DNAH12: variants seen among roughly 807,000 people sequenced by gnomAD.
DNAH12 encodes axonemal beta dynein heavy chain 12.
DNAH12 carries 285 observed loss-of-function variants against 371.5 expected under a neutral mutation model. That is an observed-to-expected ratio of 0.77 (90% CI 0.70 to 0.85). DNAH12 has a LOEUF of 0.85. Among genes scored for constraint, DNAH12 ranks in the 40% least tolerant of loss-of-function variants. DNAH12 has a pLI of 0.00. For synonymous variants in DNAH12, 1,200 were observed against 1,213.0 expected (o/e 0.99, Z 0.22); for missense variants, 3,611 against 3,689.4 (o/e 0.98, Z 0.55).
intron 29 of DNAH12, among the ~76,000 whole-genome samples, chr3:57,438,897 A>G (rs2065215418): frequency 8.4e-6 from 1 of 118,904 alleles, no homozygotes; most frequent in Admixed American, 1.0e-4. Flanking sequence ...TCTGGGCAAC[A>G]GAGTGAAACT....
At position 57,331,729 on chromosome 3, in the gene DNAH12, G is replaced by T. The variant is rs151084039; in HGVS notation, c.9978+2736C>A. ...GTAGGTGAAGTGACTTACTGGTAAA[G>T]ATTCTTTCCTCAAACAAACCTTAGT... On this transcript the variant is annotated intron_variant, in intron 62 of 73. Transcript: ENST00000495027. Among the ~76,000 whole-genome samples, 69 of 147,394 alleles carry T rather than the reference G, an allele frequency of 4.7e-4. No individual in the cohort carries two copies. In the East Asian group the frequency reaches 0.011, roughly 24 times the overall value.
chr3:57,431,229 C>T (rs17058140), intron 32 of DNAH12, among the ~76,000 whole-genome samples: 3,397 of 152,214 alleles, frequency 0.022, 104 homozygotes, highest in African/African-American at 0.076. Flanking sequence ...TGTTTTTTCC[C>T]TGCCACTCAA....
At chr3:57,317,444 C>T (rs1489337247) in intron 65 of DNAH12, among the ~76,000 whole-genome samples, 1 of 152,106 alleles carries the variant, frequency 6.6e-6, no homozygotes, top group Non-Finnish European at 1.5e-5. Flanking sequence ...ATTTTTGATA[C>T]CCTATATAAG....
intron 4 of DNAH12, among the ~76,000 whole-genome samples, chr3:57,521,386 G>A (rs1190687012): frequency 6.6e-6 from 1 of 151,986 alleles, no homozygotes; most frequent in African/African-American, 2.4e-5. Context: ...AAAAATCAGG[G>A]GGATGGTGGC....
At chr3:57,425,674 C>A (rs1392950336) in intron 34 of DNAH12, among the ~76,000 whole-genome samples, 1 of 152,122 alleles carries the variant, frequency 6.6e-6, no homozygotes, top group Admixed American at 6.5e-5. Context: ...TTATACATAA[C>A]AATTGTACAA....
chr3:57,398,739 C>T (rs1023347524), intron 43 of DNAH12, among the ~76,000 whole-genome samples: 2 of 152,120 alleles, frequency 1.3e-5, no homozygotes, highest in Admixed American at 6.5e-5. Context: ...TAAAACCTTT[C>T]CAGATGAACA....
upstream of DNAH12, among the ~76,000 whole-genome samples, chr3:57,548,625 G>C (rs60802961): frequency 0.014 from 2,115 of 152,254 alleles, 52 homozygotes; most frequent in African/African-American, 0.049. Flanking sequence ...AGGATCACTT[G>C]AGCCTAGGAG....
chr3:57,311,082 TGTTA>T, intron 66 of DNAH12, 132 bp from the exon 67 acceptor site: 1 of 718,518 alleles, frequency 1.4e-6, no homozygotes, highest in South Asian at 1.9e-5. Flanking sequence ...TAGCTGAGAT[TGTTA>T]GTTTTTTTTT....
intron 4 of DNAH12, chr3:57,520,005 G>A (rs1042418314): frequency 1.3e-6 from 1 of 788,736 alleles, no homozygotes; most frequent in Non-Finnish European, 2.2e-6. Context: ...CTTCCACGTC[G>A]GCCATGGTAG....
chr3:57,380,001 ATTAAT>A (rs1291934636), intron 51 of DNAH12, among the ~76,000 whole-genome samples: 2 of 151,860 alleles, frequency 1.3e-5, no homozygotes, highest in African/African-American at 2.4e-5. Context: ...TTTCTTAATA[ATTAAT>A]TTATCATAAC....
At chr3:57,537,834 A>C (rs1316661495) in intron 2 of DNAH12, among the ~76,000 whole-genome samples, 3 of 151,904 alleles carry the variant, frequency 2.0e-5, no homozygotes, top group Non-Finnish European at 4.4e-5. Context: ...ACAGGCATGC[A>C]CTACCACGCC....
At chr3:57,472,743 C>A in intron 13 of DNAH12, 72 bp from the exon 14 acceptor site, 2 of 1,441,762 alleles carry the variant, frequency 1.4e-6, no homozygotes. Flanking sequence ...GAAGAACCAA[C>A]AACAATCTCT....
At chr3:57,537,351 A>G (rs1255026499) in intron 2 of DNAH12, among the ~76,000 whole-genome samples, 1 of 152,202 alleles carries the variant, frequency 6.6e-6, no homozygotes, top group Admixed American at 6.5e-5. Context: ...TCAAGAGATG[A>G]GGTAGTAGCT....
Position 57,396,941 on chromosome 3 carries a change from C to T in DNAH12, c.6949-2609G>A, listed in dbSNP as rs958710477. Among the ~76,000 whole-genome samples the T allele has an allele frequency of 2.0e-4, 31 of 152,316 alleles. No homozygotes were observed. In the South Asian group the frequency reaches 3.1e-3, roughly 15 times the overall value. The stretch of plus-strand genomic sequence containing the variant: ...TAGGGAGGTTGAGGCAGTAGAATCA[C>T]TTGAACTCGGCAGGTGGAGGTTGCA... On this transcript the variant is annotated intron_variant, in intron 43 of 73. Transcript: ENST00000495027.
In DNAH12 at chr3:57,298,655, T is replaced by C. The variant is rs2061282068; in HGVS notation, c.11395-1671A>G. ...CATAGTGATCTCTTTTTCCTTTCTT[T>C]GCAGTATCTAAACCATTCATTCTTT... On this transcript the variant is annotated intron_variant, in intron 70 of 73. Coordinates refer to ENST00000495027, the MANE Select transcript of DNAH12 (RefSeq NM_001366028.2). 3.3e-5 allele frequency among the ~76,000 whole-genome samples: 5 copies of C among 152,248 alleles called. No individual in the cohort carries two copies. The South Asian group carries it at 8.3e-4, about 25-fold the overall frequency.
At chr3:57,396,286 A>AAAAAAC (rs1553676569) in intron 43 of DNAH12, among the ~76,000 whole-genome samples, 2 of 72,320 alleles carry the variant, frequency 2.8e-5, no homozygotes, top group South Asian at 4.3e-4. Flanking sequence ...CTCAAAAAAA[A>AAAAAAC]AAACAAAAAA....
At chr3:57,450,431 C>T (rs1257825879) in intron 25 of DNAH12, among the ~76,000 whole-genome samples, 1 of 151,474 alleles carries the variant, frequency 6.6e-6, no homozygotes, top group Non-Finnish European at 1.5e-5. Flanking sequence ...GCCTGTAATC[C>T]CAGCTACTTG....
chr3:57,354,456 C>G (rs1396034605), intron 59 of DNAH12, among the ~76,000 whole-genome samples: 1 of 150,382 alleles, frequency 6.6e-6, no homozygotes, highest in South Asian at 2.1e-4. Context: ...ATGTAGTTTA[C>G]CTGTATAACA....
In DNAH12 at chr3:57,429,691, G is replaced by C; in HGVS notation, c.5064C>G (p.Ser1688=). Residue 1688 remains serine, a splice_region_variant and synonymous_variant, in exon 33 of 74, where the codon TCC becomes TCG. Transcript: ENST00000495027. ...CCATTGTATTAAATTATGAACTTAC[G>C]GATGCCTGGGAAAGGTCCATTGTTT... ...IFETMDLSQA[S]PATVSRCGMI... is the part of the protein sequence containing the mutation. 1 of 1,529,738 alleles carries C rather than the reference G, an allele frequency of 6.5e-7. No homozygotes were observed. The highest frequency in any genetic ancestry group is 8.8e-7 in the Non-Finnish European group (1 of 1,140,156). The allele number at this position is 1,529,738 out of a possible 1,614,324, so 94.8% of individuals were successfully genotyped here.
Sources: gnomAD v4.1 joint callset for allele counts (sites outside exome capture counted in the v4.1 genomes callset) on GRCh38, gnomAD v4.1.1 for gene constraint, MANE v1.5 for transcripts, NCBI Gene and HGNC (gene_info 2026-07-23, HGNC 2026-07-21) for gene names.